The following TENM2 variants were observed in gnomAD, a reference collection of about 807,000 sequenced individuals.
TENM2 encodes the protein teneurin transmembrane protein 2.
TENM2 carries 52 observed loss-of-function variants against 245.2 expected under a neutral mutation model. The ratio of observed to expected loss-of-function variants is 0.21; its 90% CI spans 0.17 to 0.27. The LOEUF (loss-of-function observed/expected upper bound fraction) is 0.27. Among genes scored for constraint, TENM2 ranks in the 10% least tolerant of loss-of-function variants. TENM2 has a pLI of 1.00. For missense variants in TENM2, 3,046 were observed against 3,666.8 expected, an observed-to-expected ratio of 0.83 and a Z score of 4.37; for synonymous variants, 1,363 against 1,438.9, an observed-to-expected ratio of 0.95 and a Z score of 1.19.
At chr5:167,683,515 A>G (rs1463985892) in intron 2 of TENM2, among the ~76,000 whole-genome samples, 1 of 152,228 alleles carries the variant, frequency 6.6e-6, no homozygotes, top group Admixed American at 6.5e-5. Flanking sequence ...GTTGAATGTA[A>G]TATAATCCCA....
At chr5:167,122,811 A>G in the TENM2 span, among the ~76,000 whole-genome samples, 102 of 152,296 alleles carry the variant, frequency 6.7e-4, no homozygotes, top group African/African-American at 2.3e-3. Context: ...CACATTATAC[A>G]GGACTTCATG....
At chr5:167,826,158 A>G (rs116176193) in intron 2 of TENM2, among the ~76,000 whole-genome samples, 1,740 of 152,362 alleles carry the variant, frequency 0.011, 35 homozygotes, top group African/African-American at 0.04. Context: ...CCTTGTGTGG[A>G]ACAGACTTTA....
chr5:167,819,846 A>G (rs973515423), intron 2 of TENM2, among the ~76,000 whole-genome samples: 1 of 152,200 alleles, frequency 6.6e-6, no homozygotes, highest in Admixed American at 6.5e-5. Flanking sequence ...CTGTGGCTTC[A>G]ATGGGGCACC....
intron 2 of TENM2, among the ~76,000 whole-genome samples, chr5:167,478,155 A>G (rs7719299): frequency 0.18 from 28,092 of 152,226 alleles, 2,629 homozygotes; most frequent in Non-Finnish European, 0.21. Context: ...ACTGAAACAA[A>G]CAAGGCTCAA....
chr5:167,173,271 A>G, the TENM2 span, among the ~76,000 whole-genome samples: 7 of 152,322 alleles, frequency 4.6e-5, no homozygotes, highest in Non-Finnish European at 1.0e-4. Context: ...TTACTGTGTT[A>G]TTTCTACTTT....
intron 2 of TENM2, among the ~76,000 whole-genome samples, chr5:167,689,436 G>A (rs890355061): frequency 9.9e-5 from 15 of 152,170 alleles, no homozygotes; most frequent in African/African-American, 3.6e-4. Context: ...GGATCTGAAG[G>A]GGATAGCCAG....
rs914985554 is a variant in TENM2 at position 167,870,538 on chromosome 5, TAAAAG to T, written c.503-5445_503-5441del. ...AAGTTCAGAGAAAAGTACTGAATGTTAAAAGAATGTGTATACATATATATATATAT... is the reference window on the plus strand; with the variant it reads ...AAGTTCAGAGAAAAGTACTGAATGTTAATGTGTATACATATATATATATAT... On this transcript the variant is annotated intron_variant, in intron 2 of 28. Transcript: ENST00000518659. Among the ~76,000 whole-genome samples the T allele has an allele frequency of 2.4e-4, 35 of 146,746 alleles. 1 individual carries two copies. Among genetic ancestry groups the T allele is most frequent in the African/African-American group, 8.7e-4 (34 of 38,914 alleles).
intron 7 of TENM2, among the ~76,000 whole-genome samples, chr5:168,081,521 A>G (rs1038513880): frequency 6.6e-6 from 1 of 152,146 alleles, no homozygotes; most frequent in Non-Finnish European, 1.5e-5. Flanking sequence ...ATTTCTTCCT[A>G]GCATCGATGG....
chr5:167,864,379 C>A (rs928981366), intron 2 of TENM2, among the ~76,000 whole-genome samples: 2 of 152,150 alleles, frequency 1.3e-5, no homozygotes, highest in Non-Finnish European at 2.9e-5. Context: ...AATAGAACAC[C>A]TATCTCTTAC....
At chr5:167,731,173 C>G (rs897909164) in intron 2 of TENM2, among the ~76,000 whole-genome samples, 2 of 148,360 alleles carry the variant, frequency 1.3e-5, no homozygotes, top group African/African-American at 5.0e-5. Flanking sequence ...TGCCAGTTGA[C>G]TAAAATGAGT....
At chr5:167,236,076 T>C in the TENM2 span, among the ~76,000 whole-genome samples, 6 of 152,284 alleles carry the variant, frequency 3.9e-5, no homozygotes, top group African/African-American at 1.2e-4. Flanking sequence ...GCACCTCCTA[T>C]CCCAAATCAT....
At position 168,215,229 on chromosome 5, in the gene TENM2, G is replaced by C. The variant is rs370958712; in HGVS notation, c.4035G>C (p.Gly1345=). Residue 1345 remains glycine, a synonymous_variant, in exon 21 of 29, where the codon GGG becomes GGC. Transcript: ENST00000518659. ...TACCCTTTGATGAAGCCCGCTGCGG[G>C]GATGGAGGGAAGGCCATAGATGCAA... 15 of 1,613,808 alleles carry C rather than the reference G, an allele frequency of 9.3e-6. No homozygotes were observed. In the African/African-American group the frequency reaches 1.7e-4, roughly 19 times the overall value.
rs187499393 is a variant in TENM2, at chr5:167,623,443, A to T, written c.502+247970A>T. On this transcript the variant is annotated intron_variant, in intron 2 of 28. Coordinates refer to ENST00000518659, the Ensembl canonical transcript of TENM2. ...CAGTCGATTTATCCAGTGCAATTTC[A>T]CTTTCTTTTTTAAGCTTACCACCAA... is the stretch of plus-strand genomic sequence containing the variant. Among the ~76,000 whole-genome samples the T allele has an allele frequency of 2.0e-5, 3 of 152,066 alleles. No individual in the cohort carries two copies. The East Asian group carries it at 5.8e-4, about 29-fold the overall frequency.
chr5:168,159,480 A>C (rs1408592361), intron 12 of TENM2, among the ~76,000 whole-genome samples: 1 of 152,150 alleles, frequency 6.6e-6, no homozygotes, highest in Non-Finnish European at 1.5e-5. Context: ...CCTCTACCTC[A>C]TACCCATTTT....
rs532626317 is a variant in TENM2 at position 167,997,102 on chromosome 5, C to G, written c.1186+3920C>G. Among the ~76,000 whole-genome samples, 10 of 152,300 alleles carry G rather than the reference C, an allele frequency of 6.6e-5. No homozygotes were observed. The South Asian group carries it at 8.3e-4, about 13-fold the overall frequency. ...ATATCCCCAGTCGTCAACCAACACT[C>G]TAGCAGAAAATAAAATCTGCATATT... On this transcript the variant is annotated intron_variant, in intron 5 of 28. Transcript: ENST00000518659.
intron 2 of TENM2, among the ~76,000 whole-genome samples, chr5:167,387,583 C>T (rs967160614): frequency 5.3e-5 from 8 of 152,018 alleles, no homozygotes; most frequent in African/African-American, 1.9e-4. Flanking sequence ...AGTGGCAATA[C>T]TTGTTTTGTT....
intron 7 of TENM2, among the ~76,000 whole-genome samples, chr5:168,073,791 G>C (rs1208872691): frequency 6.6e-6 from 1 of 152,186 alleles, no homozygotes; most frequent in African/African-American, 2.4e-5. Context: ...AATTTCATGT[G>C]AGAAGGGTCA....
chr5:167,915,730 A>G (rs1347247719), intron 3 of TENM2, among the ~76,000 whole-genome samples: 2 of 152,228 alleles, frequency 1.3e-5, no homozygotes, highest in African/African-American at 2.4e-5. Context: ...GAGAAAACCT[A>G]TGTATTAACA....
Position 167,728,627 on chromosome 5 carries a change from A to G in TENM2, c.503-147359A>G, listed in dbSNP as rs1760204000. The stretch of plus-strand genomic sequence containing the variant: ...AATAAATAAATAAATGAATGAATGA[A>G]TGAATGAATGAATGAAATAGAAAGA... On this transcript the variant is annotated intron_variant, in intron 2 of 28. Coordinates refer to ENST00000518659, the Ensembl canonical transcript of TENM2. 1.3e-5 allele frequency: 2 copies of G among 152,166 alleles called. 1 individual carries two copies. The highest frequency in any genetic ancestry group is 4.1e-4 in the South Asian group (2 of 4,828). 9.4% of individuals were successfully genotyped at this position (152,166 alleles called of 1,614,324 possible).
Sources: allele counts gnomAD v4.1 joint callset (sites outside exome capture counted in the v4.1 genomes callset), GRCh38; gene constraint gnomAD v4.1.1; transcripts MANE v1.5; gene names NCBI Gene and HGNC (gene_info 2026-07-23, HGNC 2026-07-21).